The following RBMS3 variants were observed in gnomAD, a reference collection of about 807,000 sequenced individuals.
RBMS3 encodes the protein RNA-binding motif, single-stranded-interacting protein 3.
Under a neutral mutation model 66.8 loss-of-function variants are expected in RBMS3, and 27 were observed. The ratio of observed to expected loss-of-function variants is 0.40; its 90% CI spans 0.30 to 0.56. The LOEUF is 0.56. Among genes scored for constraint, RBMS3 ranks in the 20% least tolerant of loss-of-function variants. RBMS3 has a pLI of 0.40. For missense variants in RBMS3, 513 were observed against 549.5 expected (o/e 0.93, Z 0.66); for synonymous variants, 188 against 183.0 (o/e 1.03, Z -0.22).
chr3:29,716,794 T>A (rs2053417423), intron 4 of RBMS3, among the ~76,000 whole-genome samples: 1 of 152,172 alleles, frequency 6.6e-6, no homozygotes. Flanking sequence ...GCTGATAGAT[T>A]CTGGGTTTGT....
chr3:29,858,249 T>C (rs1403961865), intron 6 of RBMS3, among the ~76,000 whole-genome samples: 2 of 152,210 alleles, frequency 1.3e-5, no homozygotes, highest in East Asian at 3.8e-4. Context: ...CACTGTAAGA[T>C]TATAGTGATA....
At chr3:29,654,610 T>C (rs561517294) in intron 4 of RBMS3, among the ~76,000 whole-genome samples, 1 of 150,826 alleles carries the variant, frequency 6.6e-6, no homozygotes, top group African/African-American at 2.4e-5. Context: ...TTTTTTTTTT[T>C]GAGAGAGTTT....
chr3:29,544,774 A>AT (rs897519956), intron 3 of RBMS3, among the ~76,000 whole-genome samples: 101 of 152,010 alleles, frequency 6.6e-4, no homozygotes, highest in African/African-American at 2.3e-3. Flanking sequence ...TTCAGCAAAC[A>AT]TTTTCTGTAT....
intron 6 of RBMS3, among the ~76,000 whole-genome samples, chr3:29,821,720 A>G (rs530259963): frequency 8.5e-4 from 130 of 152,298 alleles, no homozygotes; most frequent in Non-Finnish European, 1.5e-3. Flanking sequence ...GAACTTTTTA[A>G]TATTTAAGAA....
intron 1 of RBMS3, among the ~76,000 whole-genome samples, chr3:29,394,464 A>G (rs2039454685): frequency 6.6e-6 from 1 of 152,182 alleles, no homozygotes; most frequent in African/African-American, 2.4e-5. Context: ...CAGCTTACGA[A>G]GATGACAGGA....
At chr3:29,656,991 C>T (rs2050348436) in intron 4 of RBMS3, among the ~76,000 whole-genome samples, 2 of 152,162 alleles carry the variant, frequency 1.3e-5, no homozygotes. Flanking sequence ...CATTAGCTAG[C>T]AAACGCGATA....
rs561511521 is a variant in RBMS3 at position 30,000,639 on chromosome 3, C to G, written c.1308-3217C>G. 3.3e-3 allele frequency among the ~76,000 whole-genome samples: 506 copies of G among 152,156 alleles called. 3 individuals are homozygous for G. The highest frequency in any genetic ancestry group is 0.012 in the African/African-American group (492 of 41,516). On this transcript the variant is annotated intron_variant, in intron 14 of 14. Transcript: ENST00000383767. ...CAATAGCAAAGAGTTGGAACCAACCCAAATGCCCATTAATGATAGACTTGA... is the reference window on the plus strand; with the variant it reads ...CAATAGCAAAGAGTTGGAACCAACCGAAATGCCCATTAATGATAGACTTGA...
chr3:29,319,395 T>C lies in RBMS3; in HGVS notation c.75+37639T>C, dbSNP rs144193998. On this transcript the variant is annotated intron_variant, in intron 1 of 14. Transcript: ENST00000383767. Reference sequence around the variant, plus strand: ...TTTAACTTATTTCAGTTGTATCTCTTCTGTTAAGCTGGGGACCTACTCAGC... The same window carrying C: ...TTTAACTTATTTCAGTTGTATCTCTCCTGTTAAGCTGGGGACCTACTCAGC... Among the ~76,000 whole-genome samples the C allele has an allele frequency of 2.3e-3, 355 of 152,116 alleles. 3 individuals are homozygous for C. Among genetic ancestry groups the C allele is most frequent in the African/African-American group, 8.3e-3 (343 of 41,532 alleles).
At chr3:29,907,445 G>T (rs57186886) in intron 10 of RBMS3, among the ~76,000 whole-genome samples, 1 of 151,708 alleles carries the variant, frequency 6.6e-6, no homozygotes, top group Non-Finnish European at 1.5e-5. Flanking sequence ...TTTAATTTAG[G>T]TGTAGATGTT....
chr3:29,425,321 C>T (rs1000777751), intron 1 of RBMS3, among the ~76,000 whole-genome samples: 2 of 151,570 alleles, frequency 1.3e-5, no homozygotes, highest in African/African-American at 2.4e-5. Context: ...TTGCAGTGAG[C>T]CGAGATTGTG....
chr3:29,598,277 A>G (rs1188871630), intron 4 of RBMS3, among the ~76,000 whole-genome samples: 1 of 152,096 alleles, frequency 6.6e-6, no homozygotes, highest in East Asian at 1.9e-4. Flanking sequence ...TGCTAATGTA[A>G]CATCATTAAA....
intron 4 of RBMS3, among the ~76,000 whole-genome samples, chr3:29,664,857 G>A (rs1367967467): frequency 6.6e-6 from 1 of 152,046 alleles, no homozygotes; most frequent in South Asian, 2.1e-4. Context: ...ATAGAAAAGA[G>A]TTCTTAGAGG....
chr3:29,326,388 C>T (rs2035338485), intron 1 of RBMS3, among the ~76,000 whole-genome samples: 1 of 152,136 alleles, frequency 6.6e-6, no homozygotes. Context: ...GCTTCTCCAC[C>T]TTCTATGTCT....
intron 6 of RBMS3, among the ~76,000 whole-genome samples, chr3:29,798,941 T>G (rs1308977718): frequency 1.3e-5 from 2 of 151,652 alleles, no homozygotes; most frequent in Admixed American, 6.6e-5. Flanking sequence ...TTTTTTTTTT[T>G]TTTTTTTGTA....
intron 1 of RBMS3, among the ~76,000 whole-genome samples, chr3:29,411,645 A>T (rs190458467): frequency 9.1e-4 from 138 of 152,324 alleles, no homozygotes; most frequent in Middle Eastern, 3.4e-3. Context: ...CGGTGTTTGG[A>T]TGAGCAAGAT....
intron 10 of RBMS3, chr3:29,925,086 G>A (rs1452257778): frequency 6.6e-6 from 1 of 152,202 alleles, no homozygotes; most frequent in African/African-American, 2.4e-5. Context: ...GATTCGGTCA[G>A]TAGTTGGAAA....
chr3:29,458,850 C>A (rs2042280031), intron 2 of RBMS3, among the ~76,000 whole-genome samples: 1 of 152,238 alleles, frequency 6.6e-6, no homozygotes, highest in African/African-American at 2.4e-5. Flanking sequence ...ATTACCACCA[C>A]ACTGTCAGCT....
At chr3:29,792,513 A>G (rs2057047680) in intron 6 of RBMS3, among the ~76,000 whole-genome samples, 1 of 152,180 alleles carries the variant, frequency 6.6e-6, no homozygotes, top group Non-Finnish European at 1.5e-5. Flanking sequence ...AAAAGACATC[A>G]TGAACTCTGG....
At chr3:29,431,412 C>A (rs2041192809) in intron 1 of RBMS3, among the ~76,000 whole-genome samples, 1 of 151,136 alleles carries the variant, frequency 6.6e-6, no homozygotes, top group African/African-American at 2.4e-5. Flanking sequence ...TCTGCCTCAG[C>A]CTCCTGAGTA....
Sources: gnomAD v4.1 joint callset for allele counts (sites outside exome capture counted in the v4.1 genomes callset) on GRCh38, gnomAD v4.1.1 for gene constraint, MANE v1.5 for transcripts, NCBI Gene and HGNC (gene_info 2026-07-23, HGNC 2026-07-21) for gene names.